COL26A1: variants seen among roughly 807,000 people sequenced by gnomAD.
The protein encoded by COL26A1 is collagen alpha-1(XXVI) chain.
In COL26A1, 41 loss-of-function variants were observed where a neutral mutation model predicts 59.3. That is an observed-to-expected ratio of 0.69 (90% CI 0.54 to 0.90). The LOEUF (loss-of-function observed/expected upper bound fraction) is 0.90. COL26A1 is among the 40% of genes least tolerant of loss of function. COL26A1 has a pLI of 0.00. For missense variants in COL26A1, 612 were observed against 602.3 expected, an observed-to-expected ratio of 1.02 and a Z score of -0.17; for synonymous variants, 266 against 256.0, an observed-to-expected ratio of 1.04 and a Z score of -0.37.
chr7:101,363,821 C>T (rs1488647511), intron 1 of COL26A1, among the ~76,000 whole-genome samples: 15 of 152,172 alleles, frequency 9.9e-5, no homozygotes, highest in Admixed American at 9.8e-4. Flanking sequence ...GTGGCTCTGC[C>T]GCTCACCTGC....
chr7:101,477,607 A>G (rs1195959147), intron 3 of COL26A1, among the ~76,000 whole-genome samples: 3 of 152,188 alleles, frequency 2.0e-5, no homozygotes, highest in Non-Finnish European at 4.4e-5. Flanking sequence ...TTTTCAGTAT[A>G]GTTCTCAGAC....
At chr7:101,553,485 TG>T (rs1795903342) in intron 11 of COL26A1, 109 bp downstream of exon 11, 6 of 1,085,156 alleles carry the variant, frequency 5.5e-6, no homozygotes, top group Non-Finnish European at 6.7e-6. Context: ...AGCCCCGAGC[TG>T]GGTGCTGGGC....
At chr7:101,398,774 G>C in intron 1 of COL26A1, among the ~76,000 whole-genome samples, 1 of 152,156 alleles carries the variant, frequency 6.6e-6, no homozygotes, top group East Asian at 1.9e-4. Flanking sequence ...CCGCTGCAGA[G>C]GAGGGGGTCG....
intron 1 of COL26A1, among the ~76,000 whole-genome samples, chr7:101,387,555 A>C (rs141703299): frequency 0.065 from 9,606 of 147,376 alleles, 713 homozygotes; most frequent in African/African-American, 0.18. Context: ...TCTTCTTTTT[A>C]TTTTTATTTT....
chr7:101,510,927 G>A (rs921232659), intron 3 of COL26A1, among the ~76,000 whole-genome samples: 11 of 136,850 alleles, frequency 8.0e-5, no homozygotes, highest in Non-Finnish European at 1.4e-4. Flanking sequence ...TTGAGACGGA[G>A]TCTCGCTCTG....
chr7:101,510,898 CTTTT>C (rs908747824), intron 3 of COL26A1, among the ~76,000 whole-genome samples: 2 of 130,922 alleles, frequency 1.5e-5, no homozygotes, highest in East Asian at 2.2e-4. Flanking sequence ...TTCTTTCTTT[CTTTT>C]TTTTTTTTTT....
intron 3 of COL26A1, among the ~76,000 whole-genome samples, chr7:101,458,256 C>A (rs1377912700): frequency 1.3e-5 from 2 of 152,120 alleles, no homozygotes; most frequent in African/African-American, 4.8e-5. Context: ...GATGTCCTAC[C>A]AGTTAGTTCA....
chr7:101,442,769 T>G (rs773225001), intron 2 of COL26A1, among the ~76,000 whole-genome samples: 4 of 152,188 alleles, frequency 2.6e-5, no homozygotes, highest in African/African-American at 9.6e-5. Flanking sequence ...TGCATGTGTG[T>G]GTACATAATT....
chr7:101,385,037 C>T (rs1445123968), intron 1 of COL26A1, among the ~76,000 whole-genome samples: 7 of 152,090 alleles, frequency 4.6e-5, no homozygotes, highest in Admixed American at 4.6e-4. Context: ...CTTTCACCTT[C>T]TCTGCCTGCT....
intron 1 of COL26A1, among the ~76,000 whole-genome samples, chr7:101,373,944 C>G (rs182878414): frequency 6.6e-6 from 1 of 152,180 alleles, no homozygotes; most frequent in South Asian, 2.1e-4. Flanking sequence ...GGCTCGAACT[C>G]GTGTGACACT....
intron 2 of COL26A1, among the ~76,000 whole-genome samples, chr7:101,432,640 C>T (rs150691923): frequency 5.9e-5 from 9 of 152,126 alleles, no homozygotes; most frequent in Admixed American, 1.3e-4. Flanking sequence ...GAAGCCAGAG[C>T]GAGAGGCAGA....
At position 101,460,151 on chromosome 7, in the gene COL26A1, C is replaced by T. The variant is rs145981292; in HGVS notation, c.385+12364C>T. Among the ~76,000 whole-genome samples, 366 of 152,264 alleles carry T rather than the reference C, an allele frequency of 2.4e-3. 1 individual carries two copies. Among genetic ancestry groups the T allele is most frequent in the African/African-American group, 8.4e-3 (350 of 41,556 alleles). ...CGAGTGCATAGCACGTTCCGGGCGC[C>T]GGATGCTTGGATCACATTGATGAAT... On this transcript the variant is annotated intron_variant, in intron 3 of 12. Coordinates refer to ENST00000313669, the MANE Select transcript of COL26A1 (RefSeq NM_001278563.3).
chr7:101,496,478 T>C (rs947522987), intron 3 of COL26A1, among the ~76,000 whole-genome samples: 11 of 152,056 alleles, frequency 7.2e-5, no homozygotes, highest in African/African-American at 9.7e-5. Context: ...AGATGGTTGA[T>C]GGGTGGAAGA....
intron 1 of COL26A1, 104 bp from the exon 2 acceptor site, chr7:101,419,873 C>A: frequency 2.4e-6 from 3 of 1,271,732 alleles, no homozygotes; most frequent in Non-Finnish European, 3.3e-6. Context: ...CGAGCCTCCA[C>A]CCCAGGTTTG....
intron 1 of COL26A1, among the ~76,000 whole-genome samples, chr7:101,377,467 C>T (rs1332678388): frequency 6.6e-6 from 1 of 152,124 alleles, no homozygotes; most frequent in African/African-American, 2.4e-5. Flanking sequence ...CTCTGTTGTT[C>T]AGGCTGGAAT....
At chr7:101,491,657 C>A (rs942442812) in intron 3 of COL26A1, among the ~76,000 whole-genome samples, 5 of 152,114 alleles carry the variant, frequency 3.3e-5, no homozygotes, top group Non-Finnish European at 4.4e-5. Flanking sequence ...CTGGTGTTGC[C>A]ATGGCATTTG....
intron 1 of COL26A1, among the ~76,000 whole-genome samples, chr7:101,386,339 G>A (rs564901921): frequency 6.0e-5 from 9 of 150,450 alleles, no homozygotes; most frequent in Admixed American, 5.3e-4. Flanking sequence ...GCACGATCAC[G>A]GCTCACTGCA....
chr7:101,484,268 CTG>C (rs1584449454), intron 3 of COL26A1, among the ~76,000 whole-genome samples: 1 of 152,126 alleles, frequency 6.6e-6, no homozygotes, highest in Admixed American at 6.6e-5. Context: ...GAGAAACAAA[CTG>C]TGTCTCAGAG....
chr7:101,440,995 GAAAGAA>G (rs1487568104), intron 2 of COL26A1, among the ~76,000 whole-genome samples: 3 of 150,386 alleles, frequency 2.0e-5, no homozygotes, highest in East Asian at 2.0e-4. Flanking sequence ...AAAAAAGAAA[GAAAGAA>G]AAAGAAAAAA....
Sources: allele counts gnomAD v4.1 joint callset (sites outside exome capture counted in the v4.1 genomes callset), GRCh38; gene constraint gnomAD v4.1.1; transcripts MANE v1.5; gene names NCBI Gene and HGNC (gene_info 2026-07-23, HGNC 2026-07-21).